The following LSAMP variants were observed in gnomAD, a reference collection of about 807,000 sequenced individuals.
The protein encoded by LSAMP is limbic system-associated membrane protein.
In LSAMP, 7 loss-of-function variants were observed where a neutral mutation model predicts 38.6. The ratio of observed to expected loss-of-function variants is 0.18; its 90% CI spans 0.10 to 0.34. LSAMP has a LOEUF of 0.34. Ranked by LOEUF, LSAMP falls within the 10% of genes least tolerant of loss-of-function variation. The pLI is 1.00. For missense variants in LSAMP, 313 were observed against 420.0 expected (o/e 0.75, Z 2.23); for synonymous variants, 154 against 166.8 (o/e 0.92, Z 0.59).
intron 3 of LSAMP, among the ~76,000 whole-genome samples, chr3:115,969,269 C>T (rs1337047462): frequency 6.6e-6 from 1 of 152,148 alleles, no homozygotes; most frequent in Non-Finnish European, 1.5e-5. Flanking sequence ...TTCACCACTT[C>T]CCCTCACATG....
chr3:116,208,946 CTGCTT>C (rs1202934395), intron 1 of LSAMP, among the ~76,000 whole-genome samples: 1 of 152,230 alleles, frequency 6.6e-6, no homozygotes, highest in African/African-American at 2.4e-5. Context: ...AGCTTCCCGG[CTGCTT>C]TGTTTACCTA....
At chr3:115,936,719 C>T (rs1937713763) in intron 3 of LSAMP, among the ~76,000 whole-genome samples, 1 of 152,084 alleles carries the variant, frequency 6.6e-6, no homozygotes, top group Non-Finnish European at 1.5e-5. Context: ...ATTTTTTCAA[C>T]TCATTCATTA....
At chr3:116,382,278 G>A (rs1666496791) in intron 1 of LSAMP, among the ~76,000 whole-genome samples, 1 of 152,016 alleles carries the variant, frequency 6.6e-6, no homozygotes, top group South Asian at 2.1e-4. Flanking sequence ...TGGTAGACTG[G>A]ATTAAGAAAA....
At chr3:116,099,512 G>A (rs1374619941) in intron 1 of LSAMP, among the ~76,000 whole-genome samples, 6 of 152,132 alleles carry the variant, frequency 3.9e-5, no homozygotes, top group Non-Finnish European at 1.5e-5. Flanking sequence ...ATATTCTGCA[G>A]GAAACTGACC....
intron 3 of LSAMP, among the ~76,000 whole-genome samples, chr3:115,956,292 A>C (rs1938452492): frequency 6.6e-6 from 1 of 150,546 alleles, no homozygotes; most frequent in African/African-American, 2.5e-5. Flanking sequence ...CTGATCTCGT[A>C]GGCCTCCCAT....
At chr3:116,045,266 A>G (rs959338777) in intron 2 of LSAMP, among the ~76,000 whole-genome samples, 3 of 152,216 alleles carry the variant, frequency 2.0e-5, no homozygotes, top group African/African-American at 7.2e-5. Flanking sequence ...GCACTTTATT[A>G]TCTTTACCAA....
chr3:115,852,413 T>A (rs1223716538), intron 4 of LSAMP, 70 bp downstream of exon 4: 18 of 1,487,208 alleles, frequency 1.2e-5, no homozygotes, highest in Non-Finnish European at 1.5e-5. Context: ...GCTAATGGAA[T>A]CTTTAGAGCT....
chr3:116,109,257 G>A (rs1053532664), intron 1 of LSAMP, among the ~76,000 whole-genome samples: 12 of 152,150 alleles, frequency 7.9e-5, no homozygotes, highest in African/African-American at 1.2e-4. Context: ...GCTAGTCACC[G>A]AACGAAACTG....
At chr3:116,081,408 G>A (rs774387165) in intron 2 of LSAMP, among the ~76,000 whole-genome samples, 10 of 151,714 alleles carry the variant, frequency 6.6e-5, no homozygotes, top group African/African-American at 9.7e-5. Flanking sequence ...GAGCCAAGAC[G>A]GTGCCACTGC....
intron 1 of LSAMP, among the ~76,000 whole-genome samples, chr3:116,219,947 G>T (rs2046262452): frequency 6.6e-6 from 1 of 152,048 alleles, no homozygotes; most frequent in Admixed American, 6.6e-5. Flanking sequence ...GGCCAAAATG[G>T]GTGGATCACC....
At chr3:115,990,249 G>A (rs1171014518) in intron 3 of LSAMP, among the ~76,000 whole-genome samples, 2 of 151,938 alleles carry the variant, frequency 1.3e-5, no homozygotes, top group Admixed American at 1.3e-4. Flanking sequence ...GTTTCATAAT[G>A]ATCAATTTAA....
Position 115,869,269 on chromosome 3 carries a change from GGA to G in LSAMP, c.515-16654_515-16653del, listed in dbSNP as rs35112915. Among the ~76,000 whole-genome samples the G allele has an allele frequency of 7.1e-3, 914 of 127,952 alleles. 6 individuals carry two copies. The highest frequency in any genetic ancestry group is 0.013 in the Middle Eastern group (3 of 240). 83.9% of individuals were successfully genotyped at this position (127,952 alleles called of 152,430 possible). A position where few individuals can be genotyped will look rare whatever the true frequency, so the allele number is the denominator to read the frequency against. On this transcript the variant is annotated intron_variant, in intron 3 of 6. Transcript: ENST00000490035. Reference sequence around the variant, plus strand: ...CCTTCATAACCTCTATCTTGGAGGGGGAGAGAGAGAGAGAGAGAGAGAGAGAG... The same window carrying G: ...CCTTCATAACCTCTATCTTGGAGGGGGAGAGAGAGAGAGAGAGAGAGAGAG...
intron 1 of LSAMP, among the ~76,000 whole-genome samples, chr3:116,291,466 A>G (rs2047266974): frequency 1.3e-5 from 2 of 152,200 alleles, no homozygotes; most frequent in South Asian, 4.1e-4. Context: ...CTGCAAAATA[A>G]GTGCTTTGGC....
intron 1 of LSAMP, among the ~76,000 whole-genome samples, chr3:116,166,173 G>T (rs1559767057): frequency 6.6e-6 from 1 of 152,160 alleles, no homozygotes; most frequent in Non-Finnish European, 1.5e-5. Flanking sequence ...TACTCAGAAA[G>T]AAAAACTTTC....
At chr3:115,984,831 A>G (rs896538375) in intron 3 of LSAMP, among the ~76,000 whole-genome samples, 2 of 152,188 alleles carry the variant, frequency 1.3e-5, no homozygotes, top group African/African-American at 4.8e-5. Flanking sequence ...AGGGTTCTAT[A>G]TAGGTTTGAA....
At chr3:115,987,447 G>T (rs374360154) in intron 3 of LSAMP, among the ~76,000 whole-genome samples, 1 of 152,118 alleles carries the variant, frequency 6.6e-6, no homozygotes, top group East Asian at 1.9e-4. Context: ...CACTTTTATT[G>T]TTTTAAACAA....
chr3:116,163,903 T>C (rs554222292), intron 1 of LSAMP, among the ~76,000 whole-genome samples: 2 of 152,308 alleles, frequency 1.3e-5, no homozygotes, highest in African/African-American at 4.8e-5. Flanking sequence ...ATCACACATA[T>C]ATAATCTGGA....
At chr3:115,984,254 G>C (rs1434453060) in intron 3 of LSAMP, among the ~76,000 whole-genome samples, 1 of 152,112 alleles carries the variant, frequency 6.6e-6, no homozygotes, top group Non-Finnish European at 1.5e-5. Flanking sequence ...AAATGGATAT[G>C]AATGGGAAAC....
chr3:116,022,237 CT>C (rs56287908), intron 2 of LSAMP, among the ~76,000 whole-genome samples: 36,714 of 148,548 alleles, frequency 0.25, 5,807 homozygotes, highest in African/African-American at 0.46. Flanking sequence ...TTATTAACTT[CT>C]TTTTTTTTTT....
Sources: gnomAD v4.1 joint callset for allele counts (sites outside exome capture counted in the v4.1 genomes callset) on GRCh38, gnomAD v4.1.1 for gene constraint, MANE v1.5 for transcripts, NCBI Gene and HGNC (gene_info 2026-07-23, HGNC 2026-07-21) for gene names.